The following BICC1 variants were observed in gnomAD, a reference collection of about 807,000 sequenced individuals.
BICC1 encodes the protein BicC family RNA binding protein 1, also known as protein bicaudal C homolog 1.
A neutral mutation model predicts 111.0 loss-of-function variants in BICC1; 43 were observed. The observed-to-expected ratio is 0.39, with a 90% CI of 0.30 to 0.50. The LOEUF is 0.50. BICC1 is among the 20% of genes least tolerant of loss of function. The pLI is 0.88. For synonymous variants in BICC1, 467 were observed against 434.4 expected (o/e 1.07, Z -0.93); for missense variants, 1,091 against 1,203.2 (o/e 0.91, Z 1.38).
chr10:58,778,819 GCT>G (rs1842813253), intron 3 of BICC1, among the ~76,000 whole-genome samples: 1 of 152,144 alleles, frequency 6.6e-6, no homozygotes, highest in Non-Finnish European at 1.5e-5. Flanking sequence ...TGTGGCTTGG[GCT>G]CTTTTACTCC....
chr10:58,628,003 A>T (rs1201486602), intron 2 of BICC1, among the ~76,000 whole-genome samples: 1 of 152,178 alleles, frequency 6.6e-6, no homozygotes, highest in African/African-American at 2.4e-5. Context: ...CTAGATAGGT[A>T]CAAAAATTAG....
At chr10:58,520,235 T>C (rs1047382227) in intron 1 of BICC1, among the ~76,000 whole-genome samples, 3 of 152,200 alleles carry the variant, frequency 2.0e-5, no homozygotes, top group Admixed American at 6.5e-5. Flanking sequence ...TATATTCCTT[T>C]ATATGAAATA....
At chr10:58,592,431 G>C (rs1844650127) in intron 1 of BICC1, among the ~76,000 whole-genome samples, 1 of 151,962 alleles carries the variant, frequency 6.6e-6, no homozygotes, top group Non-Finnish European at 1.5e-5. Context: ...AATTCCTCTG[G>C]GCCAGTCGCA....
intron 2 of BICC1, among the ~76,000 whole-genome samples, chr10:58,694,152 G>C (rs1316913814): frequency 6.6e-6 from 1 of 152,126 alleles, no homozygotes; most frequent in Non-Finnish European, 1.5e-5. Context: ...ATTGACTTCT[G>C]ATTCAGATTT....
intron 1 of BICC1, among the ~76,000 whole-genome samples, chr10:58,562,208 A>G (rs1262486443): frequency 6.6e-6 from 1 of 151,894 alleles, no homozygotes; most frequent in African/African-American, 2.4e-5. Flanking sequence ...ACCTTTTTCC[A>G]TCTCTTTGTT....
At chr10:58,633,002 T>C (rs1164463115) in intron 2 of BICC1, among the ~76,000 whole-genome samples, 1 of 152,214 alleles carries the variant, frequency 6.6e-6, no homozygotes, top group Non-Finnish European at 1.5e-5. Context: ...ATTATTGATA[T>C]GGTTTGGCTG....
At chr10:58,543,833 T>TAAA (rs11393752) in intron 1 of BICC1, among the ~76,000 whole-genome samples, 2 of 135,000 alleles carry the variant, frequency 1.5e-5, no homozygotes, top group Non-Finnish European at 3.1e-5. Flanking sequence ...TAACCATAAT[T>TAAA]AAAAAAAAAA....
intron 3 of BICC1, among the ~76,000 whole-genome samples, chr10:58,754,134 T>G (rs1400843707): frequency 2.6e-5 from 4 of 152,194 alleles, no homozygotes; most frequent in African/African-American, 9.7e-5. Context: ...TTTGGGTTTG[T>G]TTTGTTTTGC....
chr10:58,737,840 G>A (rs1841523190), intron 3 of BICC1, among the ~76,000 whole-genome samples: 2 of 152,202 alleles, frequency 1.3e-5, no homozygotes, highest in Admixed American at 1.3e-4. Flanking sequence ...GATGGACAGT[G>A]ATGATGAGCA....
chr10:58,735,476 T>C (rs2132577114), intron 3 of BICC1, among the ~76,000 whole-genome samples: 1 of 152,100 alleles, frequency 6.6e-6, no homozygotes, highest in South Asian at 2.1e-4. Context: ...GGGATTAATA[T>C]TACTTGTGCT....
chr10:58,681,454 A>T (rs1017203762), intron 2 of BICC1, among the ~76,000 whole-genome samples: 5 of 152,182 alleles, frequency 3.3e-5, no homozygotes, highest in African/African-American at 1.2e-4. Context: ...AACCACAATG[A>T]GATACCATCT....
intron 1 of BICC1, among the ~76,000 whole-genome samples, chr10:58,580,384 GT>G (rs1844247982): frequency 6.6e-6 from 1 of 152,102 alleles, no homozygotes; most frequent in Non-Finnish European, 1.5e-5. Flanking sequence ...CAAATTTGAA[GT>G]TCTCTAAAAT....
intron 15 of BICC1, 65 bp downstream of exon 15, chr10:58,803,307 C>G: frequency 7.2e-7 from 1 of 1,379,382 alleles, no homozygotes; most frequent in Non-Finnish European, 9.7e-7. Flanking sequence ...ATGGAGAATT[C>G]AGTGAGTGTT....
intron 2 of BICC1, among the ~76,000 whole-genome samples, chr10:58,667,263 A>G (rs1415059616): frequency 6.6e-6 from 1 of 150,694 alleles, no homozygotes; most frequent in Admixed American, 6.7e-5. Flanking sequence ...GTAAGTTTAG[A>G]TATACAATTT....
intron 3 of BICC1, among the ~76,000 whole-genome samples, chr10:58,735,917 C>G (rs1841452096): frequency 6.6e-6 from 1 of 152,192 alleles, no homozygotes; most frequent in African/African-American, 2.4e-5. Flanking sequence ...GTCCCCACTT[C>G]AGTGTTCCCA....
In BICC1 at chr10:58,580,538, A is replaced by G. The variant is rs140881855; in HGVS notation, c.191-40317A>G. Among the ~76,000 whole-genome samples, 153 of 152,304 alleles carry G rather than the reference A, an allele frequency of 1.0e-3. 1 individual carries two copies. Among genetic ancestry groups the G allele is most frequent in the African/African-American group, 3.6e-3 (150 of 41,560 alleles). The stretch of plus-strand genomic sequence containing the variant: ...AAAATCTGAAAAAATCCAAAATCTG[A>G]AACACTTCTGGTCTCAAGCATTTTG... On this transcript the variant is annotated intron_variant, in intron 1 of 20. Transcript: ENST00000373886.
At chr10:58,544,510 C>T (rs1452983054) in intron 1 of BICC1, among the ~76,000 whole-genome samples, 3 of 152,062 alleles carry the variant, frequency 2.0e-5, no homozygotes, top group Admixed American at 2.0e-4. Flanking sequence ...TCAGACTTGG[C>T]TTGAAACACC....
At chr10:58,601,173 T>TATATATATATAAAA (rs752405472) in intron 1 of BICC1, among the ~76,000 whole-genome samples, 8 of 131,086 alleles carry the variant, frequency 6.1e-5, no homozygotes, top group African/African-American at 2.2e-4. Context: ...TATATATATC[T>TATATATATATAAAA]CCCAATAAAA....
rs1038558980 is a variant in BICC1 at position 58,694,465 on chromosome 10, A to G, written c.238-7609A>G. Among the ~76,000 whole-genome samples, 4 of 152,216 alleles carry G rather than the reference A, an allele frequency of 2.6e-5. No individual in the cohort carries two copies. The East Asian group carries it at 5.8e-4, about 22-fold the overall frequency. On this transcript the variant is annotated intron_variant, in intron 2 of 20. Coordinates refer to ENST00000373886, the MANE Select transcript of BICC1 (RefSeq NM_001080512.3). ...TGATGCAACAACTCACAGTTTGTGT[A>G]TCATGGTAATGGAAATGTAAACTTG...
Sources: gnomAD v4.1 joint callset for allele counts (sites outside exome capture counted in the v4.1 genomes callset) on GRCh38, gnomAD v4.1.1 for gene constraint, MANE v1.5 for transcripts, NCBI Gene and HGNC (gene_info 2026-07-23, HGNC 2026-07-21) for gene names.